The following SMIM5 variants were observed in gnomAD, a reference collection of about 807,000 sequenced individuals.
SMIM5 encodes the protein chromosome 17 open reading frame 109.
A neutral mutation model predicts 4.0 loss-of-function variants in SMIM5; 4 were observed. The observed-to-expected ratio is 1.01, with a 90% CI of 0.50 to 2.30. The LOEUF is 2.30. SMIM5 is among the 30% of genes most tolerant of loss of function. SMIM5 has a pLI of 0.02. For missense variants in SMIM5, 107 were observed against 99.2 expected, an observed-to-expected ratio of 1.08 and a Z score of -0.34; for synonymous variants, 46 against 43.6, an observed-to-expected ratio of 1.05 and a Z score of -0.22.
rs572571011 is a variant in SMIM5, at chr17:75,635,044, G to T, written c.-37+842G>T. Reference sequence around the variant, plus strand: ...GCCGAGGCTGCCTACTCCTCCTGCCGCCCTGTCCTCAAGCCAGCGTTAAAG... The same window carrying T: ...GCCGAGGCTGCCTACTCCTCCTGCCTCCCTGTCCTCAAGCCAGCGTTAAAG... On this transcript the variant is annotated intron_variant, in intron 1 of 2. Transcript: ENST00000375215. Among the ~76,000 whole-genome samples, 4 of 152,248 alleles carry T rather than the reference G, an allele frequency of 2.6e-5. No individual in the cohort carries two copies. The South Asian group carries it at 8.3e-4, about 32-fold the overall frequency.
At chr17:75,635,666 A>C in intron 1 of SMIM5, 2 of 474,906 alleles carry the variant, frequency 4.2e-6, no homozygotes, top group Non-Finnish European at 5.5e-6. Context: ...CAAATCTCCC[A>C]CAAGTGTCAG....
In SMIM5 at chr17:75,640,048, T is replaced by C. The variant is rs76201164; in HGVS notation, c.-36-118T>C. ...GGTGGAAGTCACCAGGGGTGCAATG[T>C]GTGAGACCTGACAAACTTGTTCTGC... is the stretch of plus-strand genomic sequence containing the variant. On this transcript the variant is annotated intron_variant, in intron 1 of 2. Coordinates refer to ENST00000375215, the MANE Select transcript of SMIM5 (RefSeq NM_001162995.3). The surrounding 1 kb of genome is among the most constrained non-coding windows in gnomAD (Gnocchi z 4.6). 1.6e-3 allele frequency: 1,750 copies of C among 1,104,724 alleles called. 24 individuals are homozygous for C. The African/African-American group carries it at 0.025, about 16-fold the overall frequency. The allele number at this position is 1,104,724 out of a possible 1,614,324, so 68.4% of individuals were successfully genotyped here. A position where few individuals can be genotyped will look rare whatever the true frequency, so the allele number is the denominator to read the frequency against.
At chr17:75,634,991 G>A (rs1339951161) in intron 1 of SMIM5, among the ~76,000 whole-genome samples, 4 of 152,170 alleles carry the variant, frequency 2.6e-5, no homozygotes, top group Admixed American at 2.0e-4. Context: ...GGAACACTGA[G>A]AGCAGCCCTC....
chr17:75,637,037 A>G (rs2059336644), intron 1 of SMIM5: 1 of 152,302 alleles, frequency 6.6e-6, no homozygotes, highest in Non-Finnish European at 1.5e-5. Context: ...TCCACCCGGC[A>G]TGAGTCTGCA....
At position 75,633,538 on chromosome 17, in the gene SMIM5, C is replaced by A. The variant is rs1291241437; in HGVS notation, c.-701C>A. The A allele has an allele frequency of 7.8e-7, 1 of 1,285,316 alleles. No individual in the cohort carries two copies. Among genetic ancestry groups the A allele is most frequent in the South Asian group, 1.2e-5 (1 of 80,476 alleles). 79.6% of individuals were successfully genotyped at this position (1,285,316 alleles called of 1,614,324 possible). On this transcript the variant is annotated 5_prime_UTR_variant, in exon 1 of 3. Coordinates refer to ENST00000375215, the MANE Select transcript of SMIM5 (RefSeq NM_001162995.3). The stretch of plus-strand genomic sequence containing the variant: ...CAGGATTCCAAGTTCTCCCCCAAGA[C>A]GCCTTCAGATGCTGAGCGGCACAAG...
At position 75,641,273 on chromosome 17, in the gene SMIM5, C is replaced by G; in HGVS notation, c.*376C>G. On this transcript the variant is annotated 3_prime_UTR_variant, in exon 3 of 3. Coordinates refer to ENST00000375215, the MANE Select transcript of SMIM5 (RefSeq NM_001162995.3). ...CCCTTGGGGCTCTGCTGATACATGC[C>G]AAAGAGGAGCAAGGCAATCAGAGGG... is the stretch of plus-strand genomic sequence containing the variant. 1 of 191,700 alleles carries G rather than the reference C, an allele frequency of 5.2e-6. No individual in the cohort carries two copies. The highest frequency in any genetic ancestry group is 1.4e-4 in the South Asian group (1 of 7,184). The allele number at this position is 191,700 out of a possible 1,614,324, so 11.9% of individuals were successfully genotyped here. A position where few individuals can be genotyped will look rare whatever the true frequency, so the allele number is the denominator to read the frequency against.
chr17:75,640,960 C>A lies in SMIM5; in HGVS notation c.*63C>A. ...TGGCCAATGCCATGACACAGGCCATCAGCCTGGCCCTGCAGCCCTTACCCC... is the reference window on the plus strand; with the variant it reads ...TGGCCAATGCCATGACACAGGCCATAAGCCTGGCCCTGCAGCCCTTACCCC... On this transcript the variant is annotated 3_prime_UTR_variant, in exon 3 of 3. Transcript: ENST00000375215. The surrounding 1 kb of genome is among the most constrained non-coding windows in gnomAD (Gnocchi z 4.6). 1 of 1,524,200 alleles carries A rather than the reference C, an allele frequency of 6.6e-7. No homozygotes were observed. The highest frequency in any genetic ancestry group is 1.2e-5 in the South Asian group (1 of 83,300). 94.4% of individuals were successfully genotyped at this position (1,524,200 alleles called of 1,614,324 possible).
At chr17:75,635,966 A>C in intron 1 of SMIM5, 1 of 519,572 alleles carries the variant, frequency 1.9e-6, no homozygotes, top group South Asian at 8.4e-5. Context: ...TCCGTGTGCC[A>C]GGAGATGCCA....
In SMIM5 at chr17:75,633,481, T is replaced by C. The variant is rs1391117530; in HGVS notation, c.-758T>C. 13 of 1,288,936 alleles carry C rather than the reference T, an allele frequency of 1.0e-5. No homozygotes were observed. In the East Asian group the frequency reaches 5.0e-4, roughly 50 times the overall value. 79.8% of individuals were successfully genotyped at this position (1,288,936 alleles called of 1,614,324 possible). ...CACCTCACAAGGAACATGAGGCGCC[T>C]TGCCGGGCGCGCAGGCCACTCCCAG... On this transcript the variant is annotated 5_prime_UTR_variant, in exon 1 of 3. Transcript: ENST00000375215.
chr17:75,640,373 GGA>G lies in SMIM5; in HGVS notation c.127+50_127+51del. 6.7e-7 allele frequency: 1 copy of G among 1,496,384 alleles called. No individual in the cohort carries two copies. 92.7% of individuals were successfully genotyped at this position (1,496,384 alleles called of 1,614,324 possible). On this transcript the variant is annotated intron_variant, in intron 2 of 2. Transcript: ENST00000375215. This position sits in a 1 kb window ranked among gnomAD's most constrained non-coding sequence, Gnocchi z 4.6. ...ACCCCATGGCTCTCCCTGGCATCTG[GGA>G]GAGACCACACCATGGTGCCAGCCAG...
At chr17:75,638,000 A>G (rs2059359204) in intron 1 of SMIM5, 1 of 152,196 alleles carries the variant, frequency 6.6e-6, no homozygotes, top group African/African-American at 2.4e-5. Context: ...GATCTATAGC[A>G]TTCTAGGACC....
Position 75,641,043 on chromosome 17 carries a change from C to A in SMIM5, c.*146C>A. 1 of 1,375,308 alleles carries A rather than the reference C, an allele frequency of 7.3e-7. No individual in the cohort carries two copies. The highest frequency in any genetic ancestry group is 9.6e-7 in the Non-Finnish European group (1 of 1,037,542). 85.2% of individuals were successfully genotyped at this position (1,375,308 alleles called of 1,614,324 possible). A position where few individuals can be genotyped will look rare whatever the true frequency, so the allele number is the denominator to read the frequency against. On this transcript the variant is annotated 3_prime_UTR_variant, in exon 3 of 3. Coordinates refer to ENST00000375215, the MANE Select transcript of SMIM5 (RefSeq NM_001162995.3). ...CCCAGCCCAGGTACCTGGACACTGACAACTTGAGCCCTACCAAGGAAACAA... is the reference window on the plus strand; with the variant it reads ...CCCAGCCCAGGTACCTGGACACTGAAAACTTGAGCCCTACCAAGGAAACAA...
In SMIM5 at chr17:75,641,165, G is replaced by A. The variant is rs1443559819; in HGVS notation, c.*268G>A. 3 of 466,536 alleles carry A rather than the reference G, an allele frequency of 6.4e-6. No individual in the cohort carries two copies. Among genetic ancestry groups the A allele is most frequent in the Admixed American group, 6.9e-5 (2 of 29,046 alleles). 28.9% of individuals were successfully genotyped at this position (466,536 alleles called of 1,614,324 possible). A position where few individuals can be genotyped will look rare whatever the true frequency, so the allele number is the denominator to read the frequency against. On this transcript the variant is annotated 3_prime_UTR_variant, in exon 3 of 3. Coordinates refer to ENST00000375215, the MANE Select transcript of SMIM5 (RefSeq NM_001162995.3). ...CTGGGTCAACTGCCTGGGCTTCTTCGCCTACCTGCACTTTTTAACAAAACA... is the reference window on the plus strand; with the variant it reads ...CTGGGTCAACTGCCTGGGCTTCTTCACCTACCTGCACTTTTTAACAAAACA...
In SMIM5 at chr17:75,640,998, T is replaced by G; in HGVS notation, c.*101T>G. 1.3e-6 allele frequency: 2 copies of G among 1,486,950 alleles called. No individual in the cohort carries two copies. The highest frequency in any genetic ancestry group is 1.8e-6 in the Non-Finnish European group (2 of 1,114,978). The allele number at this position is 1,486,950 out of a possible 1,614,324, so 92.1% of individuals were successfully genotyped here. A position where few individuals can be genotyped will look rare whatever the true frequency, so the allele number is the denominator to read the frequency against. ...CAGCCCTTACCCCTCAAGACCAGGC[T>G]CCCCTGGCCCCAGCTCTGGCCCAGC... On this transcript the variant is annotated 3_prime_UTR_variant, in exon 3 of 3. Transcript: ENST00000375215. This position sits in a 1 kb window ranked among gnomAD's most constrained non-coding sequence, Gnocchi z 4.6.
chr17:75,636,003 G>A lies in SMIM5; in HGVS notation c.-37+1801G>A, dbSNP rs1011576547. ...ATAAAGGAATGCTTCCCATCCCTCC[G>A]GCTCTGCCAGCCTTCTCTGCCCTGA... On this transcript the variant is annotated intron_variant, in intron 1 of 2. Transcript: ENST00000375215. The surrounding 1 kb of genome is among the most constrained non-coding windows in gnomAD (Gnocchi z 5.4). Among the ~76,000 whole-genome samples, 4 of 152,202 alleles carry A rather than the reference G, an allele frequency of 2.6e-5. No individual in the cohort carries two copies. Among genetic ancestry groups the A allele is most frequent in the Non-Finnish European group, 4.4e-5 (3 of 68,038 alleles).
In SMIM5 at chr17:75,635,801, C is replaced by T. The variant is rs538608178; in HGVS notation, c.-37+1599C>T. ...CCTCTGGGGCCCCGCGCTGCCAACACACCTCGCTTATCAGTCTCAAACACG... is the reference window on the plus strand; with the variant it reads ...CCTCTGGGGCCCCGCGCTGCCAACATACCTCGCTTATCAGTCTCAAACACG... On this transcript the variant is annotated intron_variant, in intron 1 of 2. Transcript: ENST00000375215. 39 of 985,482 alleles carry T rather than the reference C, an allele frequency of 4.0e-5. No individual in the cohort carries two copies. In the African/African-American group the frequency reaches 4.4e-4, roughly 11 times the overall value. The allele number at this position is 985,482 out of a possible 1,614,324, so 61.0% of individuals were successfully genotyped here. A position where few individuals can be genotyped will look rare whatever the true frequency, so the allele number is the denominator to read the frequency against.
chr17:75,635,310 C>A (rs1477938194), intron 1 of SMIM5, among the ~76,000 whole-genome samples: 4 of 152,072 alleles, frequency 2.6e-5, no homozygotes, highest in Admixed American at 2.0e-4. Flanking sequence ...GCCTGGAGAC[C>A]CCAGTGGCTG....
At chr17:75,634,372 C>T (rs1228214011) in intron 1 of SMIM5, 170 bp downstream of exon 1, 2 of 502,566 alleles carry the variant, frequency 4.0e-6, no homozygotes, top group Non-Finnish European at 5.1e-6. Flanking sequence ...CACCTGCACT[C>T]TCCCTGCTGC....
chr17:75,635,294 C>T (rs2059298750), intron 1 of SMIM5, among the ~76,000 whole-genome samples: 2 of 152,088 alleles, frequency 1.3e-5, no homozygotes, highest in African/African-American at 2.4e-5. Flanking sequence ...CGGGGCACAG[C>T]GGTGAGCCTG....
Sources: gnomAD v4.1 joint callset for allele counts (sites outside exome capture counted in the v4.1 genomes callset) on GRCh38, gnomAD v4.1.1 for gene constraint, Gnocchi (gnomAD v3.1) non-coding constraint, MANE v1.5 for transcripts, NCBI Gene and HGNC (gene_info 2026-07-23, HGNC 2026-07-21) for gene names.